SNRNP70: variants seen among roughly 807,000 people sequenced by gnomAD.
SNRNP70 encodes U1 small nuclear ribonucleoprotein 70 kDa.
In SNRNP70, 8 loss-of-function variants were observed where a neutral mutation model predicts 50.5. The observed-to-expected ratio is 0.16, with a 90% CI of 0.09 to 0.29. The LOEUF is 0.29. Ranked by LOEUF, SNRNP70 falls within the 10% of genes least tolerant of loss-of-function variation. SNRNP70 has a pLI of 1.00. For missense variants in SNRNP70, 529 were observed against 663.5 expected (o/e 0.80, Z 2.23); for synonymous variants, 320 against 252.9 (o/e 1.27, Z -2.52).
intron 2 of SNRNP70, chr19:49,087,533 C>G (rs2122301952): frequency 6.6e-6 from 1 of 152,294 alleles, no homozygotes; most frequent in Admixed American, 6.5e-5. Context: ...GGGCTTAAAA[C>G]TGCAGATGGG....
chr19:49,108,012 A>T lies in SNRNP70; in HGVS notation c.883A>T (p.Ser295Cys), dbSNP rs1405145841. 1 of 1,547,976 alleles carries T rather than the reference A, an allele frequency of 6.5e-7. No homozygotes were observed. The highest frequency in any genetic ancestry group is 2.0e-5 in the Admixed American group (1 of 50,816). Residue 295 changes from serine (S) to cysteine (C), a missense_variant, in exon 10 of 10, where the codon AGT (serine) becomes TGT (cysteine). Physicochemically the swap from Ser to Cys is moderately radical, Grantham distance 112. This residue lies in a region of SNRNP70 where 327 missense variants were observed against 308.8 expected (regional missense o/e 1.06). Transcript: ENST00000598441. Reference sequence around the variant, plus strand: ...GGACCGGAAGCGGCGAAGCAGCCGGAGTCGGGAGCGGGCCCGGCGGGAGCG... The same window carrying T: ...GGACCGGAAGCGGCGAAGCAGCCGGTGTCGGGAGCGGGCCCGGCGGGAGCG... ...DRDRKRRSSRSRERARRERER... is the reference protein window; with the variant it reads ...DRDRKRRSSRCRERARRERER...
At position 49,101,372 on chromosome 19, in the gene SNRNP70, T is replaced by A; in HGVS notation, c.394-18T>A. The A allele has an allele frequency of 1.2e-6, 2 of 1,606,640 alleles. No homozygotes were observed. Among genetic ancestry groups the A allele is most frequent in the Non-Finnish European group, 1.7e-6 (2 of 1,173,286 alleles). Reference sequence around the variant, plus strand: ...CGCCCTGTGGCAGGACTCACCCCTGTCCCCATGTGCCCCACAGATACACAT... The same window carrying A: ...CGCCCTGTGGCAGGACTCACCCCTGACCCCATGTGCCCCACAGATACACAT... On this transcript the variant is annotated intron_variant, in intron 6 of 9. Transcript: ENST00000598441.
At chr19:49,087,637 C>T (rs1600269423) in intron 2 of SNRNP70, 1 of 152,168 alleles carries the variant, frequency 6.6e-6, no homozygotes, top group East Asian at 1.9e-4. Flanking sequence ...TGACAAGGGT[C>T]ATCTCTTAGG....
At position 49,107,635 on chromosome 19, in the gene SNRNP70, C is replaced by T; in HGVS notation, c.588C>T (p.Leu196=). Residue 196 remains leucine (L), a synonymous_variant, in exon 9 of 10, where the codon CTC becomes CTT. Transcript: ENST00000598441. This position sits in a 1 kb window ranked among gnomAD's most constrained non-coding sequence, Gnocchi z 6.0. The stretch of plus-strand genomic sequence containing the variant: ...TCTGCCCTGCCCCAGGAGGAGGCCT[C>T]GGTGGTACCAGAAGAGGAGGGGCTG... ...GWRPRRLGGG[L]GGTRRGGADV... 3.7e-6 allele frequency: 6 copies of T among 1,614,016 alleles called. No individual in the cohort carries two copies. The highest frequency in any genetic ancestry group is 2.2e-5 in the East Asian group (1 of 44,868).
In SNRNP70 at chr19:49,093,680, AAAAAAAAAAAAAC is replaced by A. The variant is rs937393813; in HGVS notation, c.265+3172_265+3184del. ...GGTGACAGAACAAGATTCCATCTCA[AAAAAAAAAAAAAC>A]AAAAAAAAAAACAGTTCCAGGCCAG... is the stretch of plus-strand genomic sequence containing the variant. On this transcript the variant is annotated intron_variant, in intron 4 of 9. Transcript: ENST00000598441. Among the ~76,000 whole-genome samples the A allele has an allele frequency of 5.7e-4, 79 of 139,538 alleles. 1 individual carries two copies. Among genetic ancestry groups the A allele is most frequent in the Middle Eastern group, 3.7e-3 (1 of 272 alleles). The allele number at this position is 139,538 out of a possible 152,430, so 91.5% of individuals were successfully genotyped here.
Position 49,108,476 on chromosome 19 carries a change from C to T in SNRNP70, c.*33C>T. On this transcript the variant is annotated 3_prime_UTR_variant, in exon 10 of 10. Transcript: ENST00000598441. ...GTCCTCTCCATCTGCTGTGTTTGGA[C>T]GCGTTCCTGCCCAGCCCCTTGCTGT... 6.4e-6 allele frequency: 10 copies of T among 1,557,780 alleles called. 1 individual carries two copies. The highest frequency in any genetic ancestry group is 2.4e-5 in the South Asian group (2 of 84,512).
In SNRNP70 at chr19:49,108,144, G is replaced by A; in HGVS notation, c.1015G>A (p.Gly339Ser). Residue 339 changes from glycine (G) to serine (S), a missense_variant, in exon 10 of 10, where the codon GGC becomes AGC. Around this residue, in one of 4 missense-constraint regions of SNRNP70, gnomAD observed 327 missense variants for 308.8 expected, o/e 1.06. Coordinates refer to ENST00000598441, the MANE Select transcript of SNRNP70 (RefSeq NM_003089.6). ...DGPPGELGPD[G>S]PDGPEEKGRD... is the part of the protein sequence containing the mutation. ...GCCTCCAGGGGAGCTCGGGCCTGAC[G>A]GCCCTGACGGTCCAGAGGAAAAGGG... is the stretch of plus-strand genomic sequence containing the variant. The A allele has an allele frequency of 1.3e-6, 2 of 1,542,856 alleles. No homozygotes were observed. Among genetic ancestry groups the A allele is most frequent in the Non-Finnish European group, 1.7e-6 (2 of 1,144,234 alleles).
chr19:49,095,536 C>CTTT lies in SNRNP70; in HGVS notation c.266-2876_266-2874dup, dbSNP rs751326005. Among the ~76,000 whole-genome samples the CTTT allele has an allele frequency of 3.5e-3, 487 of 137,508 alleles. 2 individuals carry two copies. Among genetic ancestry groups the CTTT allele is most frequent in the Middle Eastern group, 0.019 (5 of 266 alleles). 90.2% of individuals were successfully genotyped at this position (137,508 alleles called of 152,430 possible). The stretch of plus-strand genomic sequence containing the variant: ...ATATGAACCCCATGAGGGTAGACAC[C>CTTT]TTTTTTTTTTTTTTTTTGGAGACAG... On this transcript the variant is annotated intron_variant, in intron 4 of 9. Coordinates refer to ENST00000598441, the MANE Select transcript of SNRNP70 (RefSeq NM_003089.6).
chr19:49,099,920 G>T (rs985906659), intron 6 of SNRNP70, among the ~76,000 whole-genome samples: 2 of 151,502 alleles, frequency 1.3e-5, no homozygotes, highest in Non-Finnish European at 2.9e-5. Context: ...TCGTGCCTGT[G>T]TGTGTGTGTG....
rs2040634841 is a variant in SNRNP70 at position 49,104,279 on chromosome 19, T to C, written c.476-355T>C. The C allele has an allele frequency of 4.2e-6, 1 of 238,408 alleles. No homozygotes were observed. The highest frequency in any genetic ancestry group is 2.3e-5 in the African/African-American group (1 of 43,376). The allele number at this position is 238,408 out of a possible 1,614,324, so 14.8% of individuals were successfully genotyped here. ...CCCTCCCCCACAGCAGAGTCCAGCG[T>C]GGAGTTAACCTTCAGTTTCTTTGCA... On this transcript the variant is annotated intron_variant, in intron 7 of 9. Transcript: ENST00000598441. This position sits in a 1 kb window ranked among gnomAD's most constrained non-coding sequence, Gnocchi z 5.4.
At position 49,104,566 on chromosome 19, in the gene SNRNP70, TG is replaced by T; in HGVS notation, c.476-65del. 8.4e-7 allele frequency: 1 copy of T among 1,195,168 alleles called. No homozygotes were observed. The allele number at this position is 1,195,168 out of a possible 1,614,324, so 74.0% of individuals were successfully genotyped here. ...ACACGGGGCGGGGATTCTGTAGAGC[TG>T]GGCCTGTCCTGACTAGAGGACCCTC... On this transcript the variant is annotated intron_variant, in intron 7 of 9. Coordinates refer to ENST00000598441, the MANE Select transcript of SNRNP70 (RefSeq NM_003089.6). The surrounding 1 kb of genome is among the most constrained non-coding windows in gnomAD (Gnocchi z 5.4).
At chr19:49,099,685 G>A (rs899208869) in intron 6 of SNRNP70, among the ~76,000 whole-genome samples, 2 of 148,594 alleles carry the variant, frequency 1.3e-5, no homozygotes, top group Non-Finnish European at 3.0e-5. Context: ...GTTGCAGTGA[G>A]CCGAGATCAC....
intron 6 of SNRNP70, among the ~76,000 whole-genome samples, chr19:49,100,806 CAAAAAAAAAAAAAAA>C (rs61621289): frequency 1.8e-5 from 2 of 112,396 alleles, no homozygotes; most frequent in Non-Finnish European, 3.6e-5. Flanking sequence ...ACTCTGTCTC[CAAAAAAAAAAAAAAA>C]AAAAAGAATT....
At chr19:49,099,068 T>A (rs2122356303) in intron 6 of SNRNP70, among the ~76,000 whole-genome samples, 1 of 152,270 alleles carries the variant, frequency 6.6e-6, no homozygotes, top group South Asian at 2.1e-4. Flanking sequence ...ACTCTCTGGG[T>A]CTTGGCAGAA....
At chr19:49,088,584 C>T (rs1377100455) in intron 2 of SNRNP70, among the ~76,000 whole-genome samples, 1 of 150,922 alleles carries the variant, frequency 6.6e-6, no homozygotes, top group Non-Finnish European at 1.5e-5. Context: ...GCAACTTCCA[C>T]CTCCCGGGTT....
intron 4 of SNRNP70, among the ~76,000 whole-genome samples, chr19:49,092,446 T>C (rs2040458693): frequency 6.9e-6 from 1 of 143,940 alleles, no homozygotes; most frequent in African/African-American, 2.6e-5. Flanking sequence ...TCACGCTCTC[T>C]CAATCAGGCT....
intron 2 of SNRNP70, among the ~76,000 whole-genome samples, chr19:49,088,006 C>G (rs2040403000): frequency 6.6e-6 from 1 of 151,338 alleles, no homozygotes; most frequent in African/African-American, 2.4e-5. Flanking sequence ...GTTCTCCTGC[C>G]TCAGCCTCTC....
At position 49,108,236 on chromosome 19, in the gene SNRNP70, TCGTGACCGTGAC is replaced by T; in HGVS notation, c.1116_1127del (p.Asp373_Arg376del). The T allele has an allele frequency of 1.9e-6, 3 of 1,539,636 alleles. No homozygotes were observed. Among genetic ancestry groups the T allele is most frequent in the African/African-American group, 1.4e-5 (1 of 72,614 alleles). ...AGCGCGAGCGGCGCCGGGACCGGGATCGTGACCGTGACCGTGACCGCGAGCACAAACGGGGGG... is the reference window on the plus strand; with the variant it reads ...AGCGCGAGCGGCGCCGGGACCGGGATCGTGACCGCGAGCACAAACGGGGGG... On this transcript the variant is annotated inframe_deletion, in exon 10 of 10. Coordinates refer to ENST00000598441, the MANE Select transcript of SNRNP70 (RefSeq NM_003089.6).
Position 49,104,916 on chromosome 19 carries a change from C to G in SNRNP70, c.577+181C>G, listed in dbSNP as rs530220597. 2.0e-5 allele frequency among the ~76,000 whole-genome samples: 3 copies of G among 152,198 alleles called. No individual in the cohort carries two copies. Among genetic ancestry groups the G allele is most frequent in the Non-Finnish European group, 4.4e-5 (3 of 68,042 alleles). ...TCTGACAGCTGCCTGCCTCCTCGTT[C>G]TGGGTTACTGTGAGGAGCAGGGGCA... On this transcript the variant is annotated intron_variant, in intron 8 of 9. Transcript: ENST00000598441. This position sits in a 1 kb window ranked among gnomAD's most constrained non-coding sequence, Gnocchi z 5.4.
Sources: gnomAD v4.1 joint callset for allele counts (sites outside exome capture counted in the v4.1 genomes callset) on GRCh38, gnomAD v4.1.1 for gene constraint, gnomAD v4.1.1 regional missense constraint, Gnocchi (gnomAD v3.1) non-coding constraint, MANE v1.5 for transcripts, NCBI Gene and HGNC (gene_info 2026-07-23, HGNC 2026-07-21) for gene names.